Variants in PDCD2 observed in about 807,000 individuals in gnomAD.
The protein encoded by PDCD2 is uS5 assembly chaperone PDCD2.
PDCD2 carries 38 observed loss-of-function variants against 38.1 expected under a neutral mutation model. The observed-to-expected ratio is 1.00, with a 90% CI of 0.77 to 1.31. The LOEUF (loss-of-function observed/expected upper bound fraction) is 1.31. PDCD2 is among the 50% of genes most tolerant of loss of function. PDCD2 has a pLI of 0.00. For missense variants in PDCD2, 473 were observed against 435.7 expected (o/e 1.09, Z -0.76); for synonymous variants, 205 against 168.9 (o/e 1.21, Z -1.66).
intron 3 of PDCD2, chr6:170,582,590 TAATAA>T (rs1779645121): frequency 1.6e-6 from 2 of 1,286,568 alleles, no homozygotes; most frequent in African/African-American, 1.5e-5. Context: ...TTGGCTACTA[TAATAA>T]AATAAGCCTC....
chr6:170,582,430 T>C, intron 3 of PDCD2: 1 of 1,445,998 alleles, frequency 6.9e-7, no homozygotes, highest in South Asian at 1.5e-5. Flanking sequence ...TTGTAAAATT[T>C]AATATTATGT....
At chr6:170,582,436 T>TA in intron 3 of PDCD2, 1 of 1,438,494 alleles carries the variant, frequency 7.0e-7, no homozygotes, top group Non-Finnish European at 9.1e-7. Flanking sequence ...AATTTAATAT[T>TA]ATGTGACCAA....
At chr6:170,578,151 G>A (rs1737678941) in intron 5 of PDCD2, among the ~76,000 whole-genome samples, 4 of 129,240 alleles carry the variant, frequency 3.1e-5, no homozygotes, top group Admixed American at 3.0e-4. Flanking sequence ...AACTCAAAGA[G>A]TGAATAGGCA....
In PDCD2 at chr6:170,575,999, C is replaced by T. The variant is rs1454203902; in HGVS notation, c.*1560G>A. 2 of 152,212 alleles carry T rather than the reference C, an allele frequency of 1.3e-5. No individual in the cohort carries two copies. The highest frequency in any genetic ancestry group is 2.9e-5 in the Non-Finnish European group (2 of 68,046). The allele number at this position is 152,212 out of a possible 1,614,324, so 9.4% of individuals were successfully genotyped here. On this transcript the variant is annotated 3_prime_UTR_variant, in exon 6 of 6. Transcript: ENST00000541970. ...TAAAGGCCCCACTAGTCCAGGTTTC[C>T]TTATGCCACTGTGCTTCCTACTAAG...
rs1022208091 is a variant in PDCD2 at position 170,576,677 on chromosome 6, G to A, written c.*882C>T. 2.0e-5 allele frequency: 3 copies of A among 152,280 alleles called. No homozygotes were observed. The highest frequency in any genetic ancestry group is 2.0e-4 in the Admixed American group (3 of 15,278). 9.4% of individuals were successfully genotyped at this position (152,280 alleles called of 1,614,324 possible). A position where few individuals can be genotyped will look rare whatever the true frequency, so the allele number is the denominator to read the frequency against. ...TGACTTCAGGGCCTTCCTTTCCTCA[G>A]GCTGCTGCCTCCTAGGCCAGACCCT... On this transcript the variant is annotated 3_prime_UTR_variant, in exon 6 of 6. Transcript: ENST00000541970.
chr6:170,578,995 A>C, intron 4 of PDCD2, 25 bp from the exon 5 acceptor site: 1 of 1,389,944 alleles, frequency 7.2e-7, no homozygotes, highest in Non-Finnish European at 1.0e-6. Context: ...GATCATGTTC[A>C]AATAATCAAT....
At chr6:170,583,853 A>G (rs1779711862) in intron 1 of PDCD2, 106 bp from the exon 2 acceptor site, 3 of 945,258 alleles carry the variant, frequency 3.2e-6, no homozygotes, top group South Asian at 3.5e-5. Context: ...AAAAGAAATG[A>G]AAGTTTTTGC....
At chr6:170,583,842 A>G (rs1779711021) in intron 1 of PDCD2, 95 bp from the exon 2 acceptor site, 1 of 982,046 alleles carries the variant, frequency 1.0e-6, no homozygotes, top group Admixed American at 2.7e-5. Flanking sequence ...AACAACAACA[A>G]AAAAGAAATG....
chr6:170,575,646 A>AT lies in PDCD2; in HGVS notation c.*1912dup, dbSNP rs1326500260. ...ACAGTTTATTTTAAATATAGTTGCT[A>AT]TTTTTTAACACAGATGCCAAGTCGG... On this transcript the variant is annotated 3_prime_UTR_variant, in exon 6 of 6. Transcript: ENST00000541970. The AT allele has an allele frequency of 5.3e-5, 8 of 152,276 alleles. No homozygotes were observed. In the South Asian group the frequency reaches 1.0e-3, roughly 20 times the overall value. The allele number at this position is 152,276 out of a possible 1,614,324, so 9.4% of individuals were successfully genotyped here.
At chr6:170,583,476 A>C in intron 2 of PDCD2, 29 bp downstream of exon 2, 1 of 1,591,754 alleles carries the variant, frequency 6.3e-7, no homozygotes, top group Non-Finnish European at 8.6e-7. Context: ...GATGAAACTG[A>C]ACTGAGACTT....
At chr6:170,582,489 G>A in intron 3 of PDCD2, 1 of 1,377,196 alleles carries the variant, frequency 7.3e-7, no homozygotes, top group Non-Finnish European at 9.5e-7. Flanking sequence ...CCTTCAAAAT[G>A]GGGCAGTTTC....
chr6:170,582,564 A>G (rs1349536134), intron 3 of PDCD2: 1 of 1,323,278 alleles, frequency 7.6e-7, no homozygotes, highest in East Asian at 3.3e-5. Flanking sequence ...TATATAAGGT[A>G]AGTGCTGGAT....
Position 170,584,563 on chromosome 6 carries a change from TG to T in PDCD2, c.18del (p.Arg7GlyfsTer135). 7.8e-7 allele frequency: 1 copy of T among 1,289,734 alleles called. No homozygotes were observed. Among genetic ancestry groups the T allele is most frequent in the Non-Finnish European group, 9.8e-7 (1 of 1,021,828 alleles). The allele number at this position is 1,289,734 out of a possible 1,614,324, so 79.9% of individuals were successfully genotyped here. A position where few individuals can be genotyped will look rare whatever the true frequency, so the allele number is the denominator to read the frequency against. On this transcript the variant is annotated frameshift_variant, in exon 1 of 6. Coordinates refer to ENST00000541970, the MANE Select transcript of PDCD2 (RefSeq NM_002598.4). LOFTEE classifies it high-confidence loss of function. Reference protein sequence around the residue: MAAAGARPVELGFAES... With the variant: MAAAGXRPVELGFAES... ...TCGGCGAAGCCCAGCTCCACAGGCC[TG>T]GCCCCGGCGGCAGCCATGCGGGGCG...
Position 170,583,118 on chromosome 6 carries a change from TTC to T in PDCD2, c.595_596del (p.Glu199ArgfsTer2). 1 of 1,612,446 alleles carries T rather than the reference TTC, an allele frequency of 6.2e-7. No homozygotes were observed. The highest frequency in any genetic ancestry group is 2.2e-5 in the East Asian group (1 of 44,874). On this transcript the variant is annotated frameshift_variant, in exon 3 of 6. Transcript: ENST00000541970. LOFTEE classifies it high-confidence loss of function. Reference sequence around the variant, plus strand: ...CCACAACCTCAGGCATAATCTCATCTTCTGTTTCTATTACAATTTCAAATTCT... The same window carrying T: ...CCACAACCTCAGGCATAATCTCATCTTGTTTCTATTACAATTTCAAATTCT... ...FPEFEIVIETEDEIMPEVVEK... is the reference protein window; with the variant it reads ...FPEFEIVIETXDEIMPEVVEK...
chr6:170,583,038 A>T lies in PDCD2; in HGVS notation c.658+19T>A, dbSNP rs1326853862. On this transcript the variant is annotated intron_variant, in intron 3 of 5. Transcript: ENST00000541970. ...ATTATGTTTAACCACTTAATGAATG[A>T]AGTCCTGAAACTGCTTACCCATGCT... is the stretch of plus-strand genomic sequence containing the variant. 1 of 1,604,130 alleles carries T rather than the reference A, an allele frequency of 6.2e-7. No homozygotes were observed. The highest frequency in any genetic ancestry group is 8.5e-7 in the Non-Finnish European group (1 of 1,177,270).
chr6:170,583,449 T>C, intron 2 of PDCD2, 56 bp downstream of exon 2: 1 of 1,554,824 alleles, frequency 6.4e-7, no homozygotes. Context: ...CCTGGAAATA[T>C]CTGGGTTGAC....
intron 3 of PDCD2, chr6:170,581,758 T>C (rs185462539): frequency 1.1e-3 from 194 of 178,310 alleles, no homozygotes; most frequent in African/African-American, 4.0e-3. Context: ...AGTAATAACA[T>C]GTTTATTCAA....
At chr6:170,578,003 A>C (rs1265807769) in intron 5 of PDCD2, among the ~76,000 whole-genome samples, 2 of 152,160 alleles carry the variant, frequency 1.3e-5, no homozygotes, top group African/African-American at 4.8e-5. Context: ...TGAGGCTTCT[A>C]TTTGGGCAAC....
In PDCD2 at chr6:170,583,765, G is replaced by T; in HGVS notation, c.284-18C>A. ...CCTAAAAACTAAAAAAGAATACAGAGAAAAGTTTTATCTTCAAACAAAACA... is the reference window on the plus strand; with the variant it reads ...CCTAAAAACTAAAAAAGAATACAGATAAAAGTTTTATCTTCAAACAAAACA... On this transcript the variant is annotated intron_variant, in intron 1 of 5. Coordinates refer to ENST00000541970, the MANE Select transcript of PDCD2 (RefSeq NM_002598.4). The T allele has an allele frequency of 6.3e-7, 1 of 1,577,894 alleles. No homozygotes were observed.
Sources: gnomAD v4.1 joint callset for allele counts (sites outside exome capture counted in the v4.1 genomes callset) on GRCh38, gnomAD v4.1.1 for gene constraint, MANE v1.5 for transcripts, NCBI Gene and HGNC (gene_info 2026-07-23, HGNC 2026-07-21) for gene names.